Variants in SH3GL2 observed in about 807,000 individuals in gnomAD.
SH3GL2 encodes the protein SH3 domain containing GRB2 like 2, endophilin A1.
SH3GL2 carries 24 observed loss-of-function variants against 46.0 expected under a neutral mutation model. The observed-to-expected ratio is 0.52, with a 90% confidence interval of 0.38 to 0.73. The LOEUF (loss-of-function observed/expected upper bound fraction) is 0.73. Ranked by LOEUF, SH3GL2 falls within the 30% of genes least tolerant of loss-of-function variation. The pLI is 0.00. For missense variants in SH3GL2, 413 were observed against 424.2 expected, an observed-to-expected ratio of 0.97 and a Z score of 0.23; for synonymous variants, 196 against 147.1, an observed-to-expected ratio of 1.33 and a Z score of -2.40.
At chr9:17,701,219 T>C (rs975462618) in intron 1 of SH3GL2, among the ~76,000 whole-genome samples, 1 of 152,270 alleles carries the variant, frequency 6.6e-6, no homozygotes, top group Middle Eastern at 3.4e-3. Flanking sequence ...CCCAGAGGAA[T>C]CAGACTGACT....
At chr9:17,760,279 A>T (rs954766217) in intron 2 of SH3GL2, among the ~76,000 whole-genome samples, 39 of 152,232 alleles carry the variant, frequency 2.6e-4, no homozygotes, top group African/African-American at 9.4e-4. Context: ...TGATCCTAGT[A>T]ATAGCAAACA....
At chr9:17,707,198 A>C (rs1031863609) in intron 1 of SH3GL2, among the ~76,000 whole-genome samples, 1 of 151,968 alleles carries the variant, frequency 6.6e-6, no homozygotes. Context: ...CTGATTCTCC[A>C]TTTCCTTGTT....
At chr9:17,765,767 C>A (rs542816832) in intron 3 of SH3GL2, among the ~76,000 whole-genome samples, 1 of 152,240 alleles carries the variant, frequency 6.6e-6, no homozygotes, top group Admixed American at 6.5e-5. Context: ...TTCAGTGGGG[C>A]ACATGCCATA....
chr9:17,622,987 T>TTCCTTTCCTTTCCG (rs1563786429), intron 1 of SH3GL2, among the ~76,000 whole-genome samples: 2 of 52,490 alleles, frequency 3.8e-5, no homozygotes. Context: ...TTTCCTTTCG[T>TTCCTTTCCTTTCCG]TTCCTTTCCT....
intron 1 of SH3GL2, among the ~76,000 whole-genome samples, chr9:17,654,894 G>T (rs1414924818): frequency 6.6e-6 from 1 of 152,122 alleles, no homozygotes; most frequent in African/African-American, 2.4e-5. Flanking sequence ...CATCTAAATT[G>T]TTGCTTTTAA....
At chr9:17,583,759 T>G (rs552202593) in intron 1 of SH3GL2, among the ~76,000 whole-genome samples, 1 of 152,314 alleles carries the variant, frequency 6.6e-6, no homozygotes, top group East Asian at 1.9e-4. Flanking sequence ...TTTCATCATG[T>G]TTGTGTTCTG....
chr9:17,703,561 A>G (rs1291928012), intron 1 of SH3GL2, among the ~76,000 whole-genome samples: 6 of 152,074 alleles, frequency 3.9e-5, no homozygotes, highest in Non-Finnish European at 8.8e-5. Flanking sequence ...TCAGGAAAAT[A>G]CTAGCAAACC....
chr9:17,661,797 C>G (rs1479226344), intron 1 of SH3GL2, among the ~76,000 whole-genome samples: 1 of 151,996 alleles, frequency 6.6e-6, no homozygotes, highest in Non-Finnish European at 1.5e-5. Flanking sequence ...TCTTTAAAAT[C>G]AGATAGTCCT....
chr9:17,784,860 G>A (rs1408223501), intron 3 of SH3GL2, among the ~76,000 whole-genome samples: 1 of 152,064 alleles, frequency 6.6e-6, no homozygotes, highest in Non-Finnish European at 1.5e-5. Flanking sequence ...CTACAGGTGG[G>A]CACCACCATG....
chr9:17,598,936 A>G (rs76811198), intron 1 of SH3GL2, among the ~76,000 whole-genome samples: 2,083 of 152,324 alleles, frequency 0.014, 44 homozygotes, highest in African/African-American at 0.048. Flanking sequence ...GTTGGAATAG[A>G]CTTTAAATGA....
At chr9:17,624,085 T>C (rs928742234) in intron 1 of SH3GL2, among the ~76,000 whole-genome samples, 8 of 152,220 alleles carry the variant, frequency 5.3e-5, no homozygotes, top group Non-Finnish European at 1.0e-4. Flanking sequence ...TAAGACTGCA[T>C]CCTGCCCGTT....
chr9:17,657,804 TAA>T (rs1214312349), intron 1 of SH3GL2, among the ~76,000 whole-genome samples: 1 of 152,176 alleles, frequency 6.6e-6, no homozygotes, highest in African/African-American at 2.4e-5. Context: ...GTGAAGCCCT[TAA>T]AACAGTTTCT....
At chr9:17,647,502 C>G (rs568247807) in intron 1 of SH3GL2, among the ~76,000 whole-genome samples, 64 of 152,186 alleles carry the variant, frequency 4.2e-4, no homozygotes, top group African/African-American at 1.5e-3. Flanking sequence ...AACTGGGATT[C>G]AAATTGAGAC....
Position 17,593,502 on chromosome 9 carries a change from A to C in SH3GL2, c.45+14215A>C, listed in dbSNP as rs116710418. On this transcript the variant is annotated intron_variant, in intron 1 of 8. Transcript: ENST00000380607. ...TAGTCTGTGCTGGGTATTTTGAGGTATATATATAATAGGAGAAACTGTGTT... is the reference window on the plus strand; with the variant it reads ...TAGTCTGTGCTGGGTATTTTGAGGTCTATATATAATAGGAGAAACTGTGTT... Among the ~76,000 whole-genome samples the C allele has an allele frequency of 5.8e-4, 88 of 152,274 alleles. 1 individual carries two copies. The highest frequency in any genetic ancestry group is 2.1e-3 in the African/African-American group (88 of 41,558).
At chr9:17,579,878 C>T (rs942910570) in intron 1 of SH3GL2, among the ~76,000 whole-genome samples, 1 of 152,186 alleles carries the variant, frequency 6.6e-6, no homozygotes, top group East Asian at 1.9e-4. Context: ...ACCTGGAGAA[C>T]TCGGTCGTGA....
At chr9:17,747,246 C>G in intron 2 of SH3GL2, 112 bp downstream of exon 2, 3 of 609,222 alleles carry the variant, frequency 4.9e-6, no homozygotes, top group Non-Finnish European at 5.8e-6. Flanking sequence ...TCTGAGAATA[C>G]TACATTTTGT....
At chr9:17,597,447 G>T (rs1284423519) in intron 1 of SH3GL2, among the ~76,000 whole-genome samples, 1 of 152,034 alleles carries the variant, frequency 6.6e-6, no homozygotes, top group Non-Finnish European at 1.5e-5. Flanking sequence ...AACCCAGGAG[G>T]TGGAGGTTGC....
At chr9:17,637,778 T>A (rs1463573441) in intron 1 of SH3GL2, among the ~76,000 whole-genome samples, 1 of 152,212 alleles carries the variant, frequency 6.6e-6, no homozygotes, top group African/African-American at 2.4e-5. Context: ...CGTAATGAAG[T>A]GCCTAGCATA....
At chr9:17,669,568 AG>A (rs1244399015) in intron 1 of SH3GL2, among the ~76,000 whole-genome samples, 2 of 152,140 alleles carry the variant, frequency 1.3e-5, no homozygotes, top group African/African-American at 4.8e-5. Flanking sequence ...TTCTCAGTGC[AG>A]TTTCTTGGAG....
Sources: gnomAD v4.1 joint callset for allele counts (sites outside exome capture counted in the v4.1 genomes callset) on GRCh38, gnomAD v4.1.1 for gene constraint, MANE v1.5 for transcripts, NCBI Gene and HGNC (gene_info 2026-07-23, HGNC 2026-07-21) for gene names.